The following CCSER1 variants were observed in gnomAD, a reference collection of about 807,000 sequenced individuals.
CCSER1 encodes the protein serine-rich coiled-coil domain-containing protein 1.
A neutral mutation model predicts 82.0 loss-of-function variants in CCSER1; 41 were observed. The ratio of observed to expected loss-of-function variants is 0.50; its 90% CI spans 0.39 to 0.65. The LOEUF (loss-of-function observed/expected upper bound fraction) is 0.65. CCSER1 is among the 30% of genes least tolerant of loss of function. The probability of loss-of-function intolerance (pLI) is 0.00; values close to 1 mark genes in which losing one functional copy is unlikely to be tolerated. For synonymous variants in CCSER1, 414 were observed against 383.9 expected (o/e 1.08, Z -0.92); for missense variants, 1,119 against 1,064.2 (o/e 1.05, Z -0.72).
intron 1 of CCSER1, among the ~76,000 whole-genome samples, chr4:90,207,148 G>A (rs751543299): frequency 1.3e-4 from 19 of 151,774 alleles, no homozygotes; most frequent in Non-Finnish European, 2.1e-4. Context: ...CCAATTTGCC[G>A]GTCTGTGTCT....
At chr4:91,065,714 C>T (rs569620136) in intron 9 of CCSER1, among the ~76,000 whole-genome samples, 12 of 152,128 alleles carry the variant, frequency 7.9e-5, no homozygotes, top group Non-Finnish European at 1.6e-4. Context: ...ATTAGTATTT[C>T]ATTTACTAAT....
At chr4:91,574,425 C>CA (rs1457704613) in intron 10 of CCSER1, among the ~76,000 whole-genome samples, 10 of 151,656 alleles carry the variant, frequency 6.6e-5, no homozygotes, top group East Asian at 3.9e-4. Flanking sequence ...ATCATTCTAC[C>CA]AAAAAAACAC....
At chr4:90,934,053 C>G (rs113058587) in intron 9 of CCSER1, among the ~76,000 whole-genome samples, 6,290 of 151,852 alleles carry the variant, frequency 0.041, 176 homozygotes, top group Middle Eastern at 0.061. Flanking sequence ...TGAACATACA[C>G]TTTCATATGT....
chr4:90,135,349 A>C lies in CCSER1; in HGVS notation c.-42+7518A>C, dbSNP rs994378239. ...TTGAGCAAGACCCCCCCTTTGAAAA[A>C]AAACAACAACTGGGATCCTGCCTCT... On this transcript the variant is annotated intron_variant, in intron 1 of 10. Transcript: ENST00000509176. Among the ~76,000 whole-genome samples the C allele has an allele frequency of 5.9e-5, 9 of 152,264 alleles. No homozygotes were observed. The South Asian group carries it at 1.7e-3, about 28-fold the overall frequency.
chr4:90,488,031 T>G (rs1767388131), intron 5 of CCSER1, among the ~76,000 whole-genome samples: 1 of 152,316 alleles, frequency 6.6e-6, no homozygotes, highest in South Asian at 2.1e-4. Context: ...TCTTGAATGT[T>G]CAGAATAGTT....
intron 1 of CCSER1, among the ~76,000 whole-genome samples, chr4:90,269,768 C>T (rs774302780): frequency 7.3e-5 from 11 of 151,148 alleles, no homozygotes; most frequent in Non-Finnish European, 1.2e-4. Flanking sequence ...TAAAAAAAAA[C>T]CTGACAAACC....
intron 10 of CCSER1, among the ~76,000 whole-genome samples, chr4:91,410,694 A>G (rs1752970988): frequency 6.6e-6 from 1 of 152,186 alleles, no homozygotes; most frequent in South Asian, 2.1e-4. Context: ...ATAAAGAGAA[A>G]AAGAATGTAT....
chr4:91,173,735 C>T (rs1348038776), intron 10 of CCSER1, among the ~76,000 whole-genome samples: 2 of 152,062 alleles, frequency 1.3e-5, no homozygotes, highest in Non-Finnish European at 2.9e-5. Flanking sequence ...TAATGCTCTA[C>T]TTCCTGAGTG....
intron 5 of CCSER1, among the ~76,000 whole-genome samples, chr4:90,481,327 T>A (rs963110070): frequency 3.3e-5 from 5 of 152,186 alleles, no homozygotes; most frequent in African/African-American, 9.7e-5. Context: ...CAGGGACAAT[T>A]TGACTTCCTC....
At chr4:90,312,819 A>G (rs1422033197) in intron 2 of CCSER1, 44 bp from the exon 3 acceptor site, 2 of 1,386,986 alleles carry the variant, frequency 1.4e-6, no homozygotes, top group East Asian at 2.5e-5. Flanking sequence ...TAAAAACTAC[A>G]TTTAAATATT....
intron 6 of CCSER1, among the ~76,000 whole-genome samples, chr4:90,639,406 C>T (rs532479942): frequency 3.0e-4 from 46 of 152,060 alleles, no homozygotes; most frequent in African/African-American, 9.4e-4. Context: ...TCTGGACATA[C>T]TCAATTATGG....
intron 10 of CCSER1, among the ~76,000 whole-genome samples, chr4:91,348,908 A>T (rs12374358): frequency 0.39 from 58,739 of 150,528 alleles, 11,816 homozygotes; most frequent in East Asian, 0.71. Context: ...TTAATTAATT[A>T]ATTTATTTAT....
rs571706888 is a variant in CCSER1, at chr4:90,309,146, G to A, written c.862G>A (p.Gly288Ser). 72 of 1,613,798 alleles carry A rather than the reference G, an allele frequency of 4.5e-5. 1 individual carries two copies. In the South Asian group the frequency reaches 7.2e-4, roughly 16 times the overall value. ...CATGGCATCCCACTGTGACAACTTT[G>A]GCCACAATGATTCTACCTCTCAGAT... Reference protein sequence around the residue: ...GSMASHCDNFGHNDSTSQMSL... With the variant: ...GSMASHCDNFSHNDSTSQMSL... Residue 288 changes from glycine (G) to serine (S), a missense_variant, in exon 2 of 11, where the codon GGC becomes AGC. Transcript: ENST00000509176.
chr4:91,379,311 G>C (rs1750684928), intron 10 of CCSER1, among the ~76,000 whole-genome samples: 5 of 152,140 alleles, frequency 3.3e-5, no homozygotes, highest in Non-Finnish European at 7.3e-5. Context: ...GATTGGAATA[G>C]TTTCAGAAGG....
At chr4:90,171,859 G>A (rs1009865873) in intron 1 of CCSER1, among the ~76,000 whole-genome samples, 1 of 151,830 alleles carries the variant, frequency 6.6e-6, no homozygotes, top group African/African-American at 2.4e-5. Context: ...TTTGCTATAA[G>A]GGCTAGAAAG....
At chr4:90,265,742 G>A (rs906839267) in intron 1 of CCSER1, among the ~76,000 whole-genome samples, 4 of 152,024 alleles carry the variant, frequency 2.6e-5, no homozygotes, top group Admixed American at 2.6e-4. Flanking sequence ...TTAAGGATAA[G>A]AACCTCTTTT....
chr4:90,294,964 A>G (rs1407259534), intron 1 of CCSER1, among the ~76,000 whole-genome samples: 1 of 152,048 alleles, frequency 6.6e-6, no homozygotes, highest in Non-Finnish European at 1.5e-5. Flanking sequence ...CGAATAGTAT[A>G]TCACTTACCA....
At chr4:91,104,595 T>G (rs935427963) in intron 10 of CCSER1, among the ~76,000 whole-genome samples, 4 of 152,218 alleles carry the variant, frequency 2.6e-5, no homozygotes, top group Admixed American at 6.5e-5. Context: ...TAAGTAGAAT[T>G]GCTACTATAC....
chr4:91,139,699 A>G (rs1728843066), intron 10 of CCSER1, among the ~76,000 whole-genome samples: 1 of 152,204 alleles, frequency 6.6e-6, no homozygotes, highest in South Asian at 2.1e-4. Context: ...AGTAGAGCTG[A>G]TATGTGAAAT....
Sources: allele counts gnomAD v4.1 joint callset (sites outside exome capture counted in the v4.1 genomes callset), GRCh38; gene constraint gnomAD v4.1.1; transcripts MANE v1.5; gene names NCBI Gene and HGNC (gene_info 2026-07-23, HGNC 2026-07-21).